TSGA10: variants seen among roughly 807,000 people sequenced by gnomAD.
TSGA10 encodes testis-specific gene 10 protein.
TSGA10 carries 43 observed loss-of-function variants against 96.6 expected under a neutral mutation model. That is an observed-to-expected ratio of 0.44 (90% CI 0.35 to 0.57). TSGA10 has a LOEUF of 0.57. TSGA10 is among the 20% of genes least tolerant of loss of function. The pLI is 0.01. For synonymous variants in TSGA10, 229 were observed against 269.9 expected, an observed-to-expected ratio of 0.85 and a Z score of 1.48; for missense variants, 703 against 834.4, an observed-to-expected ratio of 0.84 and a Z score of 1.94.
At chr2:99,145,563 GA>G (rs58490482) in intron 1 of TSGA10, among the ~76,000 whole-genome samples, 25 of 145,206 alleles carry the variant, frequency 1.7e-4, no homozygotes, top group African/African-American at 2.3e-4. Flanking sequence ...GTCCCAAAAA[GA>G]AAAAAAAAAA....
At chr2:99,118,092 A>T (rs1352399734) in intron 3 of TSGA10, among the ~76,000 whole-genome samples, 1 of 152,148 alleles carries the variant, frequency 6.6e-6, no homozygotes, top group African/African-American at 2.4e-5. Context: ...AATAGCTTTG[A>T]AATTAATTTT....
In TSGA10 at chr2:99,110,502, A is replaced by G. The variant is rs562423341; in HGVS notation, c.-74+348T>C. 3.3e-5 allele frequency among the ~76,000 whole-genome samples: 5 copies of G among 152,362 alleles called. No individual in the cohort carries two copies. The South Asian group carries it at 8.3e-4, about 25-fold the overall frequency. On this transcript the variant is annotated intron_variant, in intron 5 of 20. Transcript: ENST00000393483. ...ATTATGTAACAAAATTTATGGCTTA[A>G]AAGTATTTACTATTAAGGGGGATAA...
chr2:99,122,774 G>C (rs568476622), intron 2 of TSGA10, among the ~76,000 whole-genome samples: 6 of 151,170 alleles, frequency 4.0e-5, no homozygotes, highest in Non-Finnish European at 8.8e-5. Context: ...CTGGATGACA[G>C]AGCAAGACCC....
At chr2:99,062,214 T>A (rs1438654301) in intron 16 of TSGA10, among the ~76,000 whole-genome samples, 1 of 152,206 alleles carries the variant, frequency 6.6e-6, no homozygotes, top group Non-Finnish European at 1.5e-5. Context: ...CATACATATA[T>A]GTGTCCACCA....
intron 4 of TSGA10, 34 bp from the exon 5 acceptor site, chr2:99,110,949 C>A (rs1191501955): frequency 7.0e-6 from 4 of 568,456 alleles, no homozygotes; most frequent in South Asian, 7.8e-5. Flanking sequence ...AAAATTATTT[C>A]TATTAAAGAT....
At chr2:99,075,836 A>G (rs1298850158) in intron 12 of TSGA10, among the ~76,000 whole-genome samples, 1 of 152,194 alleles carries the variant, frequency 6.6e-6, no homozygotes, top group East Asian at 1.9e-4. Flanking sequence ...AGATTTTGAA[A>G]GATGTGAAGA....
chr2:99,009,126 AG>A (rs758110048), intron 20 of TSGA10, among the ~76,000 whole-genome samples: 4 of 152,160 alleles, frequency 2.6e-5, no homozygotes, highest in Non-Finnish European at 4.4e-5. Context: ...AATTAAGTTG[AG>A]GAAAAAACTA....
intron 16 of TSGA10, among the ~76,000 whole-genome samples, chr2:99,037,772 T>A (rs1472787050): frequency 1.3e-5 from 2 of 151,944 alleles, no homozygotes; most frequent in African/African-American, 4.8e-5. Context: ...ATCATGTGAA[T>A]TCAGGAGGCA....
At chr2:99,141,453 G>A in intron 1 of TSGA10, 1 of 171,248 alleles carries the variant, frequency 5.8e-6, no homozygotes, top group South Asian at 9.6e-5. Flanking sequence ...TTCTCGCGGG[G>A]TCTACAAGCC....
chr2:99,092,340 CACAA>C (rs557227525), intron 10 of TSGA10, among the ~76,000 whole-genome samples: 30 of 152,054 alleles, frequency 2.0e-4, no homozygotes, highest in Middle Eastern at 6.8e-3. Context: ...TCTGAAAGAG[CACAA>C]ACAGACAATC....
intron 16 of TSGA10, among the ~76,000 whole-genome samples, chr2:99,043,408 C>T (rs886934954): frequency 5.3e-5 from 8 of 151,974 alleles, no homozygotes; most frequent in Non-Finnish European, 1.5e-5. Context: ...CTATTAAGCA[C>T]ACCAACCTAC....
intron 20 of TSGA10, among the ~76,000 whole-genome samples, chr2:99,017,040 A>G (rs1558732821): frequency 6.6e-6 from 1 of 152,208 alleles, no homozygotes; most frequent in Non-Finnish European, 1.5e-5. Context: ...GAATGTTTTC[A>G]TTTACACTGC....
chr2:99,074,000 CTTTTTTTTTTT>C (rs1167854716), intron 12 of TSGA10, among the ~76,000 whole-genome samples: 3,264 of 52,726 alleles, frequency 0.062, 106 homozygotes, highest in East Asian at 0.25. Context: ...TGTTTCTTTT[CTTTTTTTTTTT>C]TTTTTTTTTT....
intron 16 of TSGA10, among the ~76,000 whole-genome samples, chr2:99,051,542 T>C (rs1032563735): frequency 6.6e-6 from 1 of 152,124 alleles, no homozygotes; most frequent in African/African-American, 2.4e-5. Flanking sequence ...TATTCAGACT[T>C]CAATACAGCA....
At chr2:99,007,602 T>C (rs1409689165) in intron 20 of TSGA10, among the ~76,000 whole-genome samples, 2 of 152,094 alleles carry the variant, frequency 1.3e-5, no homozygotes, top group Admixed American at 1.3e-4. Context: ...AAACCACCTA[T>C]ATAAAGCAAA....
At chr2:99,073,913 G>A (rs1374729229) in intron 12 of TSGA10, among the ~76,000 whole-genome samples, 2 of 145,678 alleles carry the variant, frequency 1.4e-5, no homozygotes, top group African/African-American at 5.1e-5. Flanking sequence ...CTTGCCATTT[G>A]AATTTTCAAA....
At chr2:99,106,185 T>C (rs756093258) in intron 7 of TSGA10, among the ~76,000 whole-genome samples, 8 of 152,168 alleles carry the variant, frequency 5.3e-5, no homozygotes, top group Non-Finnish European at 1.2e-4. Flanking sequence ...TGTTCAACCA[T>C]CCTTGGGTCC....
chr2:99,109,405 G>C lies in TSGA10; in HGVS notation c.35C>G (p.Pro12Arg), dbSNP rs1164714412. The change falls in exon 6 of 21, where the codon CCA becomes CGA. Residue 12 changes from proline to arginine, a missense_variant. Transcript: ENST00000393483. ...MRSRSKSPRR[P>R]SPTARGANCD... ...AAAACCTACCCGGGCAGTTGGTGAT[G>C]GGCGTCTTGGACTTTTAGACCTACT... 2 of 1,613,888 alleles carry C rather than the reference G, an allele frequency of 1.2e-6. No homozygotes were observed. The highest frequency in any genetic ancestry group is 2.7e-5 in the African/African-American group (2 of 74,928).
chr2:99,136,523 C>T lies in TSGA10; in HGVS notation c.-620-9347G>A, dbSNP rs377092291. ...CTACAAAAAAAGTATTTCTGCCGGGCGCGGTGGCTCACGCCTGTAATCCCA... is the reference window on the plus strand; with the variant it reads ...CTACAAAAAAAGTATTTCTGCCGGGTGCGGTGGCTCACGCCTGTAATCCCA... On this transcript the variant is annotated intron_variant, in intron 1 of 20. Transcript: ENST00000393483. Among the ~76,000 whole-genome samples, 44 of 27,246 alleles carry T rather than the reference C, an allele frequency of 1.6e-3. 13 individuals carry two copies. Among genetic ancestry groups the T allele is most frequent in the African/African-American group, 3.0e-3 (39 of 13,220 alleles). The allele number at this position is 27,246 out of a possible 152,430, so 17.9% of individuals were successfully genotyped here. A position where few individuals can be genotyped will look rare whatever the true frequency, so the allele number is the denominator to read the frequency against.
Sources: gnomAD v4.1 joint callset for allele counts (sites outside exome capture counted in the v4.1 genomes callset) on GRCh38, gnomAD v4.1.1 for gene constraint, MANE v1.5 for transcripts, NCBI Gene and HGNC (gene_info 2026-07-23, HGNC 2026-07-21) for gene names.